ZNF212: variants seen among roughly 807,000 people sequenced by gnomAD.
ZNF212 encodes the protein Zinc finger protein C2H2-150.
In ZNF212, 32 loss-of-function variants were observed where a neutral mutation model predicts 47.3. The ratio of observed to expected loss-of-function variants is 0.68; its 90% CI spans 0.51 to 0.91. The LOEUF is 0.91. Among genes scored for constraint, ZNF212 ranks in the 40% least tolerant of loss-of-function variants. The probability of loss-of-function intolerance (pLI) is 0.00; values close to 1 mark genes in which losing one functional copy is unlikely to be tolerated. For missense variants in ZNF212, 555 were observed against 622.8 expected, an observed-to-expected ratio of 0.89 and a Z score of 1.16; for synonymous variants, 242 against 253.8, an observed-to-expected ratio of 0.95 and a Z score of 0.44.
chr7:149,250,296 G>T lies in ZNF212; in HGVS notation c.162G>T (p.Lys54Asn). 2 of 1,613,894 alleles carry T rather than the reference G, an allele frequency of 1.2e-6. No individual in the cohort carries two copies. The highest frequency in any genetic ancestry group is 1.7e-5 in the Admixed American group (1 of 59,994). ...CCGCTATTCAGGCTGTGGAGAAGAA[G>T]ATGGAGTCCCAGGCTGCCCGGCTAC... Reference protein sequence around the residue: ...VVAAIQAVEKKMESQAARLQS... With the variant: ...VVAAIQAVEKNMESQAARLQS... The change falls in exon 2 of 5, where the codon AAG becomes AAT. Residue 54 changes from lysine (K) to asparagine (N), a missense_variant. Lys to Asn is a moderately conservative substitution (Grantham distance 94). Coordinates refer to ENST00000335870, the MANE Select transcript of ZNF212 (RefSeq NM_012256.4).
Position 149,253,542 on chromosome 7 carries a change from C to A in ZNF212, c.632-17C>A, listed in dbSNP as rs1251077387. On this transcript the variant is annotated splice_polypyrimidine_tract_variant and intron_variant, in intron 4 of 4. Coordinates refer to ENST00000335870, the MANE Select transcript of ZNF212 (RefSeq NM_012256.4). ...CTAGAATGTGATCTTTTTTGTTGGTCTTCTTCCACTTTGCAGCAGGTGGGG... is the reference window on the plus strand; with the variant it reads ...CTAGAATGTGATCTTTTTTGTTGGTATTCTTCCACTTTGCAGCAGGTGGGG... The A allele has an allele frequency of 6.3e-7, 1 of 1,580,230 alleles. No individual in the cohort carries two copies.
At chr7:149,240,639 G>A (rs1796575132) in intron 1 of ZNF212, among the ~76,000 whole-genome samples, 1 of 152,116 alleles carries the variant, frequency 6.6e-6, no homozygotes, top group Admixed American at 6.6e-5. Context: ...TTCTCATACT[G>A]TTCCCATACT....
At chr7:149,250,919 G>A (rs1796746092) in intron 3 of ZNF212, 112 bp downstream of exon 3, 3 of 1,401,308 alleles carry the variant, frequency 2.1e-6, no homozygotes, top group African/African-American at 1.4e-5. Context: ...GTCCTCTGTC[G>A]GCCTGCACGG....
Position 149,255,495 on chromosome 7 carries a change from C to T in ZNF212, c.*1080C>T, listed in dbSNP as rs149416147. On this transcript the variant is annotated 3_prime_UTR_variant, in exon 5 of 5. Coordinates refer to ENST00000335870, the MANE Select transcript of ZNF212 (RefSeq NM_012256.4). ...TCTCAGGAGTGTTGAATGTGTGCCC[C>T]GCTGCTGTCTGGGGGGATGGGAGTG... 1,081 of 153,650 alleles carry T rather than the reference C, an allele frequency of 7.0e-3. 12 individuals carry two copies. The highest frequency in any genetic ancestry group is 0.03 in the Admixed American group (454 of 15,278). 9.5% of individuals were successfully genotyped at this position (153,650 alleles called of 1,614,324 possible).
rs116215901 is a variant in ZNF212, at chr7:149,253,180, C to T, written c.632-379C>T. On this transcript the variant is annotated intron_variant, in intron 4 of 4. Coordinates refer to ENST00000335870, the MANE Select transcript of ZNF212 (RefSeq NM_012256.4). Reference sequence around the variant, plus strand: ...GGAAGAACAGAGCTGGACATGAATTCTTAAGCTGTAGGTTTAGTTTGTCTT... The same window carrying T: ...GGAAGAACAGAGCTGGACATGAATTTTTAAGCTGTAGGTTTAGTTTGTCTT... Among the ~76,000 whole-genome samples, 855 of 151,248 alleles carry T rather than the reference C, an allele frequency of 5.7e-3. 10 individuals carry two copies. Among genetic ancestry groups the T allele is most frequent in the African/African-American group, 0.02 (809 of 41,056 alleles).
chr7:149,255,260 C>T lies in ZNF212; in HGVS notation c.*845C>T, dbSNP rs909582331. 71 of 153,288 alleles carry T rather than the reference C, an allele frequency of 4.6e-4. No homozygotes were observed. Among genetic ancestry groups the T allele is most frequent in the African/African-American group, 1.7e-3 (70 of 41,564 alleles). The allele number at this position is 153,288 out of a possible 1,614,324, so 9.5% of individuals were successfully genotyped here. A position where few individuals can be genotyped will look rare whatever the true frequency, so the allele number is the denominator to read the frequency against. ...TGCGGTGTCTCGGCATACCCCTCTC[C>T]TCTTCCCACCTCCTCCTGGCTATGT... On this transcript the variant is annotated 3_prime_UTR_variant, in exon 5 of 5. Transcript: ENST00000335870.
chr7:149,243,458 A>AAG (rs1164187178), intron 1 of ZNF212, among the ~76,000 whole-genome samples: 83 of 144,412 alleles, frequency 5.7e-4, no homozygotes, highest in Middle Eastern at 7.0e-3. Context: ...AAAAAAAAAA[A>AAG]AGAGAGAGAG....
chr7:149,245,841 G>C (rs527674286), intron 1 of ZNF212, among the ~76,000 whole-genome samples: 2 of 152,096 alleles, frequency 1.3e-5, no homozygotes, highest in Non-Finnish European at 2.9e-5. Context: ...TAGGTAAAAG[G>C]GTTTTTAATG....
At chr7:149,240,440 A>G (rs1191999742) in intron 1 of ZNF212, among the ~76,000 whole-genome samples, 1 of 146,710 alleles carries the variant, frequency 6.8e-6, no homozygotes, top group Non-Finnish European at 1.5e-5. Flanking sequence ...GGGAATGTCA[A>G]GATACGGAGT....
intron 1 of ZNF212, among the ~76,000 whole-genome samples, chr7:149,243,475 A>C (rs1290396973): frequency 1.3e-5 from 2 of 150,350 alleles, no homozygotes; most frequent in Non-Finnish European, 3.0e-5. Flanking sequence ...AGAGAGAGAG[A>C]TACAACTAAA....
chr7:149,240,135 G>A (rs1796566347), intron 1 of ZNF212: 1 of 296,438 alleles, frequency 3.4e-6, no homozygotes. Flanking sequence ...AGTGTTTCCA[G>A]ATTGGAAACG....
intron 1 of ZNF212, among the ~76,000 whole-genome samples, chr7:149,241,283 T>G (rs1796583739): frequency 6.6e-6 from 1 of 151,896 alleles, no homozygotes; most frequent in South Asian, 2.1e-4. Context: ...AATACAAAAA[T>G]TAGCCGGGCG....
chr7:149,248,585 G>A (rs186215989), intron 1 of ZNF212, among the ~76,000 whole-genome samples: 15 of 152,250 alleles, frequency 9.9e-5, no homozygotes, highest in African/African-American at 3.6e-4. Context: ...AGAGGAGGGG[G>A]CTTATTCCTT....
In ZNF212 at chr7:149,254,700, C is replaced by T; in HGVS notation, c.*285C>T. 2.5e-6 allele frequency: 1 copy of T among 399,768 alleles called. No individual in the cohort carries two copies. Among genetic ancestry groups the T allele is most frequent in the South Asian group, 4.7e-5 (1 of 21,502 alleles). 24.8% of individuals were successfully genotyped at this position (399,768 alleles called of 1,614,324 possible). On this transcript the variant is annotated 3_prime_UTR_variant, in exon 5 of 5. Coordinates refer to ENST00000335870, the MANE Select transcript of ZNF212 (RefSeq NM_012256.4). The surrounding 1 kb of genome is among the most constrained non-coding windows in gnomAD (Gnocchi z 4.5). ...GTGGGCTGGGGTTGGCGTTCTGACC[C>T]CACAGGGACTGGTGGCTGGTTCCAG... is the stretch of plus-strand genomic sequence containing the variant.
intron 1 of ZNF212, among the ~76,000 whole-genome samples, chr7:149,244,123 CAG>C (rs1191376255): frequency 9.2e-5 from 14 of 151,552 alleles, no homozygotes; most frequent in Non-Finnish European, 5.9e-5. Context: ...TTAGTAGAGA[CAG>C]GGTTTCATCA....
intron 3 of ZNF212, among the ~76,000 whole-genome samples, chr7:149,251,521 T>A (rs1796758448): frequency 7.8e-6 from 1 of 127,430 alleles, no homozygotes. Flanking sequence ...TTTTTGAGAC[T>A]CTGTCACCTA....
chr7:149,254,092 C>T lies in ZNF212; in HGVS notation c.1165C>T (p.Arg389Cys), dbSNP rs556026141. The T allele has an allele frequency of 2.0e-4, 319 of 1,612,902 alleles. 8 individuals carry two copies. The South Asian group carries it at 3.2e-3, about 16-fold the overall frequency. ...SCKVSLVTHQ[R>C]CHLQEGPSAG... The stretch of plus-strand genomic sequence containing the variant: ...CAAGGTGAGCCTGGTGACCCATCAG[C>T]GTTGCCACCTGCAGGAGGGGCCCAG... Residue 389 changes from arginine to cysteine, a missense_variant, in exon 5 of 5, where the codon CGT (arginine) becomes TGT (cysteine). Arg to Cys is a radical substitution (Grantham distance 180, BLOSUM62 -3). Coordinates refer to ENST00000335870, the MANE Select transcript of ZNF212 (RefSeq NM_012256.4). This position sits in a 1 kb window ranked among gnomAD's most constrained non-coding sequence, Gnocchi z 4.5.
chr7:149,240,586 C>T (rs1796574065), intron 1 of ZNF212, among the ~76,000 whole-genome samples: 1 of 152,106 alleles, frequency 6.6e-6, no homozygotes, highest in Admixed American at 6.6e-5. Context: ...GGAGTAGTTG[C>T]TAGATGATCT....
chr7:149,246,473 G>C (rs1796678481), intron 1 of ZNF212, among the ~76,000 whole-genome samples: 1 of 151,264 alleles, frequency 6.6e-6, no homozygotes, highest in Non-Finnish European at 1.5e-5. Flanking sequence ...GGCTCCGCCT[G>C]CTGGGTTCAC....
Sources: allele counts gnomAD v4.1 joint callset (sites outside exome capture counted in the v4.1 genomes callset), GRCh38; gene constraint gnomAD v4.1.1; non-coding constraint Gnocchi (gnomAD v3.1); transcripts MANE v1.5; gene names NCBI Gene and HGNC (gene_info 2026-07-23, HGNC 2026-07-21).